The following DGKB variants were observed in gnomAD, a reference collection of about 807,000 sequenced individuals.
DGKB encodes 90 kDa diacylglycerol kinase.
DGKB carries 67 observed loss-of-function variants against 114.3 expected under a neutral mutation model. The observed-to-expected ratio is 0.59, with a 90% CI of 0.48 to 0.72. DGKB has a LOEUF of 0.72. Among genes scored for constraint, DGKB ranks in the 30% least tolerant of loss-of-function variants. DGKB has a pLI of 0.00. For missense variants in DGKB, 907 were observed against 975.2 expected (o/e 0.93, Z 0.93); for synonymous variants, 398 against 323.1 (o/e 1.23, Z -2.49).
intron 23 of DGKB, among the ~76,000 whole-genome samples, chr7:14,289,824 A>T (rs1801474368): frequency 6.6e-6 from 1 of 151,856 alleles, no homozygotes; most frequent in Non-Finnish European, 1.5e-5. Context: ...ACATGTCCTT[A>T]GCCTATTCTA....
In DGKB at chr7:14,368,573, C is replaced by CTCTG. The variant is rs10649333; in HGVS notation, c.1836-23183_1836-23182insCAGA. ...GAAACAGATGCAAACGGTATTTTCT[C>CTCTG]TGTGTGTGTGTGTGTGTGTGTGTGT... On this transcript the variant is annotated intron_variant, in intron 21 of 25. Transcript: ENST00000402815. 9.0e-3 allele frequency among the ~76,000 whole-genome samples: 1,344 copies of CTCTG among 148,718 alleles called. 2 individuals carry two copies. The highest frequency in any genetic ancestry group is 0.014 in the Non-Finnish European group (946 of 67,226).
chr7:14,472,386 A>T (rs915463556), intron 21 of DGKB, among the ~76,000 whole-genome samples: 2 of 152,118 alleles, frequency 1.3e-5, no homozygotes, highest in Non-Finnish European at 2.9e-5. Context: ...TCCACGTACA[A>T]TGTGACTTGT....
In DGKB at chr7:14,255,279, G is replaced by C. The variant is rs543338116; in HGVS notation, c.2123-77128C>G. Reference sequence around the variant, plus strand: ...GCCTTGGAAAAAATAAAATAATTTAGTTAGAGGTGTTTTAGTGATTAAATA... The same window carrying C: ...GCCTTGGAAAAAATAAAATAATTTACTTAGAGGTGTTTTAGTGATTAAATA... On this transcript the variant is annotated intron_variant, in intron 23 of 25. Transcript: ENST00000402815. Among the ~76,000 whole-genome samples, 5 of 152,204 alleles carry C rather than the reference G, an allele frequency of 3.3e-5. No homozygotes were observed. The East Asian group carries it at 9.7e-4, about 29-fold the overall frequency.
chr7:14,892,168 G>C (rs1292718415), intron 1 of DGKB, among the ~76,000 whole-genome samples: 1 of 151,336 alleles, frequency 6.6e-6, no homozygotes, highest in Admixed American at 6.6e-5. Flanking sequence ...GAGGAAGAGA[G>C]AGCAATGTTA....
At chr7:14,566,419 G>C (rs1486592103) in intron 20 of DGKB, among the ~76,000 whole-genome samples, 3 of 152,018 alleles carry the variant, frequency 2.0e-5, no homozygotes, top group African/African-American at 7.3e-5. Context: ...GGTTTATGAG[G>C]GAAGATGGCC....
intron 6 of DGKB, among the ~76,000 whole-genome samples, chr7:14,703,124 A>G (rs1279393748): frequency 6.6e-6 from 1 of 152,254 alleles, no homozygotes; most frequent in African/African-American, 2.4e-5. Flanking sequence ...AAGAGATTGT[A>G]GTGCAGCAGC....
chr7:14,157,971 C>T (rs563089657), intron 25 of DGKB, among the ~76,000 whole-genome samples: 34 of 152,194 alleles, frequency 2.2e-4, no homozygotes, highest in African/African-American at 7.5e-4. Flanking sequence ...GCCTTTTTCA[C>T]GTAGTAATGG....
chr7:14,646,197 A>T (rs879322368), intron 13 of DGKB, among the ~76,000 whole-genome samples: 3 of 152,344 alleles, frequency 2.0e-5, no homozygotes, highest in Admixed American at 2.0e-4. Context: ...ATGCAAACTG[A>T]AACGAAAAGT....
intron 16 of DGKB, among the ~76,000 whole-genome samples, chr7:14,611,035 C>T (rs551451805): frequency 2.6e-5 from 4 of 152,156 alleles, no homozygotes; most frequent in East Asian, 1.9e-4. Flanking sequence ...ATTGTCATCC[C>T]GGTAAATTCC....
chr7:14,808,513 T>A (rs182591352), intron 2 of DGKB, among the ~76,000 whole-genome samples: 1 of 152,122 alleles, frequency 6.6e-6, no homozygotes. Context: ...GATTTCACTG[T>A]AAAGAGTTTC....
intron 23 of DGKB, among the ~76,000 whole-genome samples, chr7:14,302,261 A>G (rs1803693432): frequency 6.6e-6 from 1 of 152,110 alleles, no homozygotes; most frequent in African/African-American, 2.4e-5. Flanking sequence ...CCTCTGGTGT[A>G]CAGAGGAGAG....
chr7:14,844,834 C>T (rs1047602073), intron 1 of DGKB, among the ~76,000 whole-genome samples: 1 of 152,212 alleles, frequency 6.6e-6, no homozygotes, highest in Non-Finnish European at 1.5e-5. Flanking sequence ...CAGCTGGGCA[C>T]GGTGGCTCAA....
At chr7:14,305,992 A>G (rs969725268) in intron 23 of DGKB, among the ~76,000 whole-genome samples, 5 of 152,162 alleles carry the variant, frequency 3.3e-5, no homozygotes, top group Non-Finnish European at 5.9e-5. Flanking sequence ...CATGAGACCT[A>G]GGTTAATTCT....
intron 20 of DGKB, among the ~76,000 whole-genome samples, chr7:14,561,171 G>C (rs1796604065): frequency 6.6e-6 from 1 of 152,136 alleles, no homozygotes; most frequent in Non-Finnish European, 1.5e-5. Flanking sequence ...TCTCATGATA[G>C]TGAATAAGTC....
intron 21 of DGKB, among the ~76,000 whole-genome samples, chr7:14,473,631 CCAGACACT>C (rs1425226306): frequency 6.6e-6 from 1 of 152,120 alleles, no homozygotes; most frequent in African/African-American, 2.4e-5. Flanking sequence ...TGGAGAAGCC[CCAGACACT>C]CAATGCCAGC....
chr7:14,218,759 A>G (rs888596923), intron 23 of DGKB, among the ~76,000 whole-genome samples: 1 of 151,986 alleles, frequency 6.6e-6, no homozygotes, highest in Non-Finnish European at 1.5e-5. Context: ...TTGAAATGTA[A>G]TCCACATATC....
intron 23 of DGKB, among the ~76,000 whole-genome samples, chr7:14,185,429 T>G (rs1275125495): frequency 6.6e-6 from 1 of 151,850 alleles, no homozygotes; most frequent in East Asian, 1.9e-4. Flanking sequence ...ATTGTGAAAA[T>G]GACCATACTG....
chr7:14,494,808 T>A (rs1289064292), intron 20 of DGKB, among the ~76,000 whole-genome samples: 7 of 151,896 alleles, frequency 4.6e-5, no homozygotes, highest in Non-Finnish European at 8.8e-5. Context: ...TCAAATTGTA[T>A]GTCTTTGTTT....
chr7:14,382,092 G>A (rs539460078), intron 21 of DGKB, among the ~76,000 whole-genome samples: 28 of 88,792 alleles, frequency 3.2e-4, no homozygotes, highest in Non-Finnish European at 6.1e-4. Flanking sequence ...ACTGCAAATA[G>A]TTTTTGTCTC....
Sources: allele counts gnomAD v4.1 joint callset (sites outside exome capture counted in the v4.1 genomes callset), GRCh38; gene constraint gnomAD v4.1.1; transcripts MANE v1.5; gene names NCBI Gene and HGNC (gene_info 2026-07-23, HGNC 2026-07-21).